Variants in SCLT1 observed in about 807,000 individuals in gnomAD.
SCLT1 encodes sodium channel and clathrin linker 1.
In SCLT1, 78 loss-of-function variants were observed where a neutral mutation model predicts 112.8. The ratio of observed to expected loss-of-function variants is 0.69; its 90% CI spans 0.58 to 0.83. SCLT1 has a LOEUF of 0.83. SCLT1 is among the 40% of genes least tolerant of loss of function. The pLI is 0.00. For synonymous variants in SCLT1, 257 were observed against 254.7 expected (o/e 1.01, Z -0.09); for missense variants, 747 against 770.4 (o/e 0.97, Z 0.36).
At chr4:129,006,017 G>C (rs574405920) in intron 5 of SCLT1, among the ~76,000 whole-genome samples, 114 of 113,816 alleles carry the variant, frequency 1.0e-3, no homozygotes, top group African/African-American at 3.6e-3. Flanking sequence ...GGACTGTTGT[G>C]GGGTGGGGGG....
At chr4:129,083,186 G>GAAAAAAAAAAAAAAAAAAAAAAAA (rs10651058) in intron 1 of SCLT1, among the ~76,000 whole-genome samples, 1 of 84,550 alleles carries the variant, frequency 1.2e-5, no homozygotes, top group East Asian at 3.3e-4. Flanking sequence ...GTGAGACTCT[G>GAAAAAAAAAAAAAAAAAAAAAAAA]AAAAAAAAAA....
intron 5 of SCLT1, among the ~76,000 whole-genome samples, chr4:129,011,103 A>C (rs76268093): frequency 1.3e-5 from 2 of 152,162 alleles, no homozygotes; most frequent in East Asian, 3.9e-4. Flanking sequence ...TTCAATACCT[A>C]GCTTATTGAG....
At chr4:128,948,249 T>A (rs1579467983) in intron 15 of SCLT1, among the ~76,000 whole-genome samples, 1 of 148,740 alleles carries the variant, frequency 6.7e-6, no homozygotes, top group African/African-American at 2.5e-5. Flanking sequence ...GGCAGGAGAC[T>A]TGCCTGAACC....
At chr4:129,036,872 T>C (rs375067258) in intron 5 of SCLT1, 1 of 151,770 alleles carries the variant, frequency 6.6e-6, no homozygotes, top group African/African-American at 2.4e-5. Flanking sequence ...TAAAAGAATG[T>C]CAAACTTTAA....
intron 2 of SCLT1, among the ~76,000 whole-genome samples, chr4:129,047,465 G>T (rs1185937518): frequency 6.6e-6 from 1 of 152,044 alleles, no homozygotes; most frequent in African/African-American, 2.4e-5. Context: ...GTTTCCAAGT[G>T]CAGTTGTTCT....
At chr4:128,949,182 C>A (rs998527768) in intron 14 of SCLT1, among the ~76,000 whole-genome samples, 8 of 146,968 alleles carry the variant, frequency 5.4e-5, no homozygotes, top group South Asian at 2.2e-4. Flanking sequence ...TGTATTTATA[C>A]ATTTATTCTG....
At chr4:128,943,273 G>A in intron 16 of SCLT1, 85 bp from the exon 17 acceptor site, 2 of 964,824 alleles carry the variant, frequency 2.1e-6, no homozygotes, top group Non-Finnish European at 3.0e-6. Flanking sequence ...TTATCACATG[G>A]ACTTTTGTTT....
chr4:129,077,672 GC>G (rs1751579980), intron 2 of SCLT1, among the ~76,000 whole-genome samples: 1 of 152,154 alleles, frequency 6.6e-6, no homozygotes, highest in Non-Finnish European at 1.5e-5. Context: ...GATTTCTGTT[GC>G]TAGTAGCAAC....
intron 2 of SCLT1, among the ~76,000 whole-genome samples, chr4:129,061,112 CAG>C (rs1749925553): frequency 6.6e-6 from 1 of 152,074 alleles, no homozygotes; most frequent in Non-Finnish European, 1.5e-5. Flanking sequence ...CAACTTGAGC[CAG>C]TAGAGTTCAG....
intron 19 of SCLT1, among the ~76,000 whole-genome samples, chr4:128,889,500 TA>T (rs1263271896): frequency 6.6e-6 from 1 of 152,164 alleles, no homozygotes; most frequent in Non-Finnish European, 1.5e-5. Flanking sequence ...CAGAAGGAAC[TA>T]ACAATGTCAA....
At chr4:129,028,277 T>C (rs975404189) in intron 5 of SCLT1, among the ~76,000 whole-genome samples, 8 of 152,096 alleles carry the variant, frequency 5.3e-5, no homozygotes, top group Non-Finnish European at 1.2e-4. Context: ...CTTCAAACTA[T>C]ACTGCAAGGC....
chr4:128,954,744 C>G (rs573902821), intron 13 of SCLT1, among the ~76,000 whole-genome samples: 1 of 152,254 alleles, frequency 6.6e-6, no homozygotes, highest in East Asian at 1.9e-4. Flanking sequence ...GTGTTAGGTA[C>G]TATTCAGAGT....
chr4:129,025,387 C>A (rs1188274813), intron 5 of SCLT1, among the ~76,000 whole-genome samples: 1 of 152,110 alleles, frequency 6.6e-6, no homozygotes, highest in African/African-American at 2.4e-5. Context: ...AGAGTGGGGG[C>A]CAATATTCAA....
intron 10 of SCLT1, among the ~76,000 whole-genome samples, chr4:128,966,790 A>T (rs1261945280): frequency 6.7e-6 from 1 of 149,580 alleles, no homozygotes; most frequent in Non-Finnish European, 1.5e-5. Flanking sequence ...AATTCTTAGT[A>T]TTTTTTTTCT....
intron 5 of SCLT1, among the ~76,000 whole-genome samples, chr4:129,026,891 T>C (rs1401301607): frequency 6.6e-6 from 1 of 152,100 alleles, no homozygotes; most frequent in African/African-American, 2.4e-5. Flanking sequence ...CTCACAGAAA[T>C]ACAAACTACC....
intron 18 of SCLT1, among the ~76,000 whole-genome samples, chr4:128,919,799 T>C (rs1408458795): frequency 6.6e-6 from 1 of 150,882 alleles, no homozygotes; most frequent in Admixed American, 6.6e-5. Flanking sequence ...CCAGAAAACC[T>C]AGAAATGGAT....
At chr4:129,025,422 AC>A (rs1253541267) in intron 5 of SCLT1, among the ~76,000 whole-genome samples, 1 of 152,238 alleles carries the variant, frequency 6.6e-6, no homozygotes, top group Non-Finnish European at 1.5e-5. Flanking sequence ...AGAATTTTCA[AC>A]CCAGAATTTC....
chr4:129,048,564 C>T lies in SCLT1; in HGVS notation c.103-4513G>A, dbSNP rs533023152. ...TAGGCATTACCATTCAGGACATAGG[C>T]ATGGGCAAGGACTTCATGTCTAAAA... is the stretch of plus-strand genomic sequence containing the variant. On this transcript the variant is annotated intron_variant, in intron 2 of 20. Transcript: ENST00000281142. Among the ~76,000 whole-genome samples, 43 of 151,232 alleles carry T rather than the reference C, an allele frequency of 2.8e-4. No individual in the cohort carries two copies. The East Asian group carries it at 3.3e-3, about 12-fold the overall frequency.
At chr4:129,061,183 T>A (rs1056165263) in intron 2 of SCLT1, among the ~76,000 whole-genome samples, 1 of 152,160 alleles carries the variant, frequency 6.6e-6, no homozygotes, top group African/African-American at 2.4e-5. Context: ...GACCCTAGGA[T>A]GGTAAGGCTT....
Sources: allele counts gnomAD v4.1 joint callset (sites outside exome capture counted in the v4.1 genomes callset), GRCh38; gene constraint gnomAD v4.1.1; transcripts MANE v1.5; gene names NCBI Gene and HGNC (gene_info 2026-07-23, HGNC 2026-07-21).